The following SYNE1 variants were observed in gnomAD, a reference collection of about 807,000 sequenced individuals.
SYNE1 encodes spectrin repeat containing nuclear envelope protein 1, also known as nesprin-1.
Under a neutral mutation model 1,111.0 loss-of-function variants are expected in SYNE1, and 616 were observed. That is an observed-to-expected ratio of 0.55 (90% CI 0.52 to 0.59). SYNE1 has a LOEUF of 0.59. Ranked by LOEUF, SYNE1 falls within the 20% of genes least tolerant of loss-of-function variation. The probability of loss-of-function intolerance (pLI) is 0.00; values close to 1 mark genes in which losing one functional copy is unlikely to be tolerated. For missense variants in SYNE1, 10,006 were observed against 10,417.0 expected (o/e 0.96, Z 1.72); for synonymous variants, 3,855 against 3,825.8 (o/e 1.01, Z -0.28).
intron 97 of SYNE1, among the ~76,000 whole-genome samples, chr6:152,281,584 G>A (rs889224525): frequency 1.3e-5 from 2 of 152,088 alleles, no homozygotes; most frequent in Non-Finnish European, 2.9e-5. Context: ...ATGACCTTTA[G>A]GAAGCCGGAG....
At chr6:152,147,531 T>A (rs1171941512) in intron 137 of SYNE1, 1 of 153,300 alleles carries the variant, frequency 6.5e-6, no homozygotes, top group Non-Finnish European at 1.5e-5. Context: ...AAACTGCCAA[T>A]GATCAAAAGC....
intron 83 of SYNE1, 151 bp downstream of exon 83, chr6:152,321,570 C>G: frequency 2.4e-6 from 3 of 1,232,796 alleles, no homozygotes; most frequent in Non-Finnish European, 2.3e-6. Context: ...AAAGGAAAAT[C>G]CCATGAAGTA....
intron 3 of SYNE1, among the ~76,000 whole-genome samples, chr6:152,620,180 G>A (rs1396110939): frequency 2.0e-5 from 3 of 152,082 alleles, no homozygotes; most frequent in Admixed American, 6.6e-5. Context: ...CTCATTCTTT[G>A]TTTGGCTTTC....
At chr6:152,456,182 G>C (rs1417619193) in intron 22 of SYNE1, 138 bp from the exon 23 acceptor site, 1 of 806,210 alleles carries the variant, frequency 1.2e-6, no homozygotes, top group Non-Finnish European at 1.9e-6. Flanking sequence ...AAAACCAAAA[G>C]TATGGTGGAA....
At chr6:152,252,616 A>G (rs1175731747) in intron 104 of SYNE1, among the ~76,000 whole-genome samples, 1 of 152,246 alleles carries the variant, frequency 6.6e-6, no homozygotes, top group East Asian at 1.9e-4. Flanking sequence ...ATACCCTTCC[A>G]GTAACTGCTG....
chr6:152,349,710 A>C, intron 72 of SYNE1, among the ~76,000 whole-genome samples: 1 of 152,160 alleles, frequency 6.6e-6, no homozygotes, highest in East Asian at 1.9e-4. Context: ...TCCCCACCCA[A>C]ATCTCATCTT....
chr6:152,441,238 T>C lies in SYNE1; in HGVS notation c.4041A>G (p.Thr1347=). ...GGTATCTTACTACTGTTTCTTTGTT[T>C]GTTTCAAATCGCTCCCATTTTCTTA... The part of the protein sequence containing the change: ...VTLRKWERFE[T]NKETVVRYLF... The change falls in exon 32 of 146, where the codon ACA becomes ACG. Residue 1347 remains threonine (T), a synonymous_variant. Transcript: ENST00000367255. 6.2e-7 allele frequency: 1 copy of C among 1,611,030 alleles called. No homozygotes were observed. Among genetic ancestry groups the C allele is most frequent in the East Asian group, 2.2e-5 (1 of 44,756 alleles).
rs754270893 is a variant in SYNE1, at chr6:152,352,193, C to A, written c.11414G>T (p.Arg3805Leu). The change falls in exon 70 of 146, where the codon CGG becomes CTG. Residue 3805 changes from arginine (R) to leucine (L), a missense_variant. Physicochemically the swap from Arg to Leu is moderately radical, Grantham distance 102. This residue lies in a region of SYNE1 where 4,955 missense variants were observed against 5,017.2 expected (regional missense o/e 0.99). Coordinates refer to ENST00000367255, the MANE Select transcript of SYNE1 (RefSeq NM_182961.4). ...EQLKELTSTVRKEHMTLEKGL... is the reference protein window; with the variant it reads ...EQLKELTSTVLKEHMTLEKGL... ...TTTTTCCAGCGTCATGTGTTCTTTCCGGACAGTGCTGGTCAGTTCCTTCAA... is the reference window on the plus strand; with the variant it reads ...TTTTTCCAGCGTCATGTGTTCTTTCAGGACAGTGCTGGTCAGTTCCTTCAA... The A allele has an allele frequency of 8.7e-6, 14 of 1,614,082 alleles. No individual in the cohort carries two copies. Among genetic ancestry groups the A allele is most frequent in the Non-Finnish European group, 5.1e-6 (6 of 1,180,016 alleles).
chr6:152,274,932 G>A (rs890594807), intron 98 of SYNE1, among the ~76,000 whole-genome samples: 23 of 152,092 alleles, frequency 1.5e-4, no homozygotes, highest in Admixed American at 1.3e-3. Flanking sequence ...TGTCACCCAG[G>A]CTGCAGTGCA....
intron 3 of SYNE1, among the ~76,000 whole-genome samples, chr6:152,583,716 G>A (rs1233892820): frequency 6.6e-6 from 1 of 152,122 alleles, no homozygotes; most frequent in Non-Finnish European, 1.5e-5. Context: ...GGAATCAATG[G>A]TTCATTTCTG....
At position 152,331,075 on chromosome 6, in the gene SYNE1, T is replaced by C; in HGVS notation, c.13610A>G (p.Gln4537Arg). ...ACTGTCATAGACACTCTGCAATTCC[T>C]GAAGCTTCCCCAGCACTTCACTCTT... Reference protein sequence around the residue: ...QEKSEVLGKLQELQSVYDSVL... With the variant: ...QEKSEVLGKLRELQSVYDSVL... The change falls in exon 78 of 146, where the codon CAG becomes CGG. Residue 4537 changes from glutamine to arginine, a missense_variant. Gln to Arg is a conservative substitution (Grantham distance 43). Transcript: ENST00000367255. The C allele has an allele frequency of 6.2e-7, 1 of 1,614,196 alleles. No homozygotes were observed. The highest frequency in any genetic ancestry group is 8.5e-7 in the Non-Finnish European group (1 of 1,180,032).
Position 152,385,654 on chromosome 6 carries a change from G to A in SYNE1, c.8652+20C>T. 1.2e-6 allele frequency: 2 copies of A among 1,613,108 alleles called. No homozygotes were observed. Among genetic ancestry groups the A allele is most frequent in the Non-Finnish European group, 1.7e-6 (2 of 1,179,124 alleles). On this transcript the variant is annotated intron_variant, in intron 55 of 145. Transcript: ENST00000367255. ...GAAGGAATGAAGCAATGTAGATATAGCATCTGTTCATTTCCTGACCTTAAT... is the reference window on the plus strand; with the variant it reads ...GAAGGAATGAAGCAATGTAGATATAACATCTGTTCATTTCCTGACCTTAAT...
chr6:152,145,580 T>G, intron 137 of SYNE1: 1 of 1,606,428 alleles, frequency 6.2e-7, no homozygotes, highest in Non-Finnish European at 8.5e-7. Flanking sequence ...CAGTCTAAGT[T>G]GACAGCTAAG....
intron 127 of SYNE1, among the ~76,000 whole-genome samples, chr6:152,199,596 G>A (rs1442562675): frequency 6.6e-6 from 1 of 152,144 alleles, no homozygotes; most frequent in African/African-American, 2.4e-5. Context: ...TACCAGTTTT[G>A]CAATTTGTAT....
chr6:152,234,589 C>A, intron 111 of SYNE1, 79 bp downstream of exon 111: 2 of 1,578,580 alleles, frequency 1.3e-6, no homozygotes, highest in Non-Finnish European at 1.7e-6. Context: ...CCGCACCCGG[C>A]CTGACTTCTT....
At chr6:152,128,678 T>C (rs1008926750) in intron 145 of SYNE1, 1 of 152,264 alleles carries the variant, frequency 6.6e-6, no homozygotes, top group African/African-American at 2.4e-5. Context: ...AAATTTCCCA[T>C]TGCAGACTGC....
At chr6:152,184,597 C>T (rs904038532) in intron 128 of SYNE1, among the ~76,000 whole-genome samples, 1 of 151,788 alleles carries the variant, frequency 6.6e-6, no homozygotes, top group African/African-American at 2.4e-5. Context: ...TCATGTATTC[C>T]ATATCTCCAC....
chr6:152,366,418 T>C (rs1269946379), intron 62 of SYNE1, among the ~76,000 whole-genome samples: 2 of 152,110 alleles, frequency 1.3e-5, no homozygotes, highest in Non-Finnish European at 2.9e-5. Context: ...TCCCAGTACT[T>C]TGGGAGGCCA....
Position 152,155,919 on chromosome 6 carries a change from C to T in SYNE1, c.23969G>A (p.Arg7990Lys), listed in dbSNP as rs777371816. The change falls in exon 132 of 146, where the codon AGG (arginine) becomes AAG (lysine). Residue 7990 changes from arginine (R) to lysine (K), a missense_variant. Transcript: ENST00000367255. ...WRNICAMSME[R>K]RLKIEETWRL... ...CAGCATCCCAGCTCACTTCAGCCTCCTTTCCATGGACATAGCACAAATGTT... is the reference window on the plus strand; with the variant it reads ...CAGCATCCCAGCTCACTTCAGCCTCTTTTCCATGGACATAGCACAAATGTT... 2.0e-5 allele frequency: 32 copies of T among 1,613,928 alleles called. No individual in the cohort carries two copies. In the Middle Eastern group the frequency reaches 5.0e-4, roughly 25 times the overall value.
Sources: gnomAD v4.1 joint callset for allele counts (sites outside exome capture counted in the v4.1 genomes callset) on GRCh38, gnomAD v4.1.1 for gene constraint, gnomAD v4.1.1 regional missense constraint, MANE v1.5 for transcripts, NCBI Gene and HGNC (gene_info 2026-07-23, HGNC 2026-07-21) for gene names.